Variants in ULK4 observed in about 807,000 individuals in gnomAD.
The protein encoded by ULK4 is inactive serine/threonine-protein kinase ULK4.
ULK4 carries 133 observed loss-of-function variants against 160.6 expected under a neutral mutation model. The observed-to-expected ratio is 0.83, with a 90% CI of 0.72 to 0.96. ULK4 has a LOEUF of 0.96. Among genes scored for constraint, ULK4 ranks in the 40% least tolerant of loss-of-function variants. ULK4 has a pLI of 0.00. For synonymous variants in ULK4, 534 were observed against 539.8 expected, an observed-to-expected ratio of 0.99 and a Z score of 0.15; for missense variants, 1,580 against 1,499.5, an observed-to-expected ratio of 1.05 and a Z score of -0.89.
At chr3:41,305,009 CA>C (rs1438738423) in intron 35 of ULK4, among the ~76,000 whole-genome samples, 1 of 152,170 alleles carries the variant, frequency 6.6e-6, no homozygotes. Flanking sequence ...GAAGGGTGCA[CA>C]CACTGGGCCA....
chr3:41,755,309 C>A (rs1401089610), intron 21 of ULK4, among the ~76,000 whole-genome samples: 2 of 152,076 alleles, frequency 1.3e-5, no homozygotes, highest in African/African-American at 4.8e-5. Context: ...ACACTCCAGT[C>A]CTTTTCTATT....
chr3:41,420,231 T>A (rs1319799374), intron 34 of ULK4, among the ~76,000 whole-genome samples: 1 of 152,026 alleles, frequency 6.6e-6, no homozygotes, highest in Non-Finnish European at 1.5e-5. Flanking sequence ...TTGGTGAGAT[T>A]ATAATTACTT....
intron 21 of ULK4, among the ~76,000 whole-genome samples, chr3:41,772,185 A>C (rs2039410371): frequency 6.6e-6 from 1 of 152,232 alleles, no homozygotes; most frequent in Admixed American, 6.5e-5. Flanking sequence ...AAACACATTC[A>C]AAAGCTAGCA....
chr3:41,792,771 G>A (rs937070942), intron 20 of ULK4, among the ~76,000 whole-genome samples: 1 of 152,220 alleles, frequency 6.6e-6, no homozygotes, highest in Non-Finnish European at 1.5e-5. Context: ...CAACTGAGAA[G>A]ATGCACAGAG....
intron 27 of ULK4, among the ~76,000 whole-genome samples, chr3:41,695,943 A>T (rs1575579829): frequency 6.6e-6 from 1 of 152,296 alleles, no homozygotes; most frequent in African/African-American, 2.4e-5. Context: ...AGAAGACAAG[A>T]GTGTGAGCCT....
At chr3:41,732,021 A>G (rs2037844414) in intron 22 of ULK4, among the ~76,000 whole-genome samples, 1 of 152,192 alleles carries the variant, frequency 6.6e-6, no homozygotes, top group African/African-American at 2.4e-5. Flanking sequence ...ATCTGAAACT[A>G]GGAAACTGCT....
chr3:41,403,736 G>C (rs2082233454), intron 34 of ULK4, among the ~76,000 whole-genome samples: 1 of 152,050 alleles, frequency 6.6e-6, no homozygotes, highest in Admixed American at 6.6e-5. Context: ...TTTTGGTGTT[G>C]CAAATTTTTC....
At chr3:41,920,519 T>G (rs1699146952) in intron 5 of ULK4, among the ~76,000 whole-genome samples, 5 of 152,098 alleles carry the variant, frequency 3.3e-5, no homozygotes, top group African/African-American at 1.2e-4. Context: ...ACAAGAGAAA[T>G]GGAAGCTTTA....
intron 14 of ULK4, among the ~76,000 whole-genome samples, 179 bp downstream of exon 14, chr3:41,898,253 A>T (rs1698236704): frequency 6.6e-6 from 1 of 152,238 alleles, no homozygotes; most frequent in Non-Finnish European, 1.5e-5. Context: ...AAATGTCAAC[A>T]GCTGGCACAA....
chr3:41,618,301 C>T (rs1382826492), intron 30 of ULK4, among the ~76,000 whole-genome samples: 1 of 152,074 alleles, frequency 6.6e-6, no homozygotes, highest in African/African-American at 2.4e-5. Context: ...TCAAGAAGAA[C>T]AACTCCAAGA....
chr3:41,817,392 T>C (rs976001997), intron 19 of ULK4, among the ~76,000 whole-genome samples: 1 of 152,112 alleles, frequency 6.6e-6, no homozygotes, highest in Admixed American at 6.5e-5. Context: ...CCGGAATATG[T>C]GGACAAAGAA....
intron 8 of ULK4, among the ~76,000 whole-genome samples, chr3:41,914,016 A>G (rs1268644890): frequency 6.6e-6 from 1 of 152,140 alleles, no homozygotes; most frequent in Non-Finnish European, 1.5e-5. Flanking sequence ...AACCATATAC[A>G]TTCACACCTT....
chr3:41,492,886 A>AAT (rs1180749858), intron 32 of ULK4, among the ~76,000 whole-genome samples: 1 of 143,054 alleles, frequency 7.0e-6, no homozygotes, highest in Non-Finnish European at 1.5e-5. Context: ...AACTATCCTA[A>AAT]ATATATATGC....
chr3:41,300,262 A>G (rs1416920621), intron 35 of ULK4, among the ~76,000 whole-genome samples: 1 of 152,216 alleles, frequency 6.6e-6, no homozygotes, highest in East Asian at 1.9e-4. Flanking sequence ...TGAAACTGCA[A>G]AGAACTAACT....
intron 34 of ULK4, among the ~76,000 whole-genome samples, chr3:41,439,876 A>G (rs1334913162): frequency 6.6e-6 from 1 of 152,170 alleles, no homozygotes; most frequent in African/African-American, 2.4e-5. Flanking sequence ...ATCTCTCCAC[A>G]TATGTAGAAG....
intron 20 of ULK4, among the ~76,000 whole-genome samples, chr3:41,796,372 C>G (rs1355861862): frequency 1.3e-5 from 2 of 152,058 alleles, no homozygotes; most frequent in Non-Finnish European, 2.9e-5. Context: ...AGACAGATCA[C>G]AAGGTCAGGA....
intron 21 of ULK4, among the ~76,000 whole-genome samples, chr3:41,769,813 A>C (rs1487027857): frequency 6.6e-6 from 1 of 152,206 alleles, no homozygotes; most frequent in African/African-American, 2.4e-5. Flanking sequence ...GAGGTAGAGA[A>C]CTTCAAAATT....
chr3:41,578,680 C>T (rs2029912571), intron 31 of ULK4, among the ~76,000 whole-genome samples: 1 of 152,120 alleles, frequency 6.6e-6, no homozygotes, highest in Non-Finnish European at 1.5e-5. Flanking sequence ...TAAAGAATCA[C>T]AGGAAGTGTC....
chr3:41,678,231 T>C (rs2035800951), intron 29 of ULK4, among the ~76,000 whole-genome samples: 1 of 143,184 alleles, frequency 7.0e-6, no homozygotes, highest in African/African-American at 2.6e-5. Flanking sequence ...CACACAGAGC[T>C]CCTACTGGCT....
Sources: allele counts gnomAD v4.1 joint callset (sites outside exome capture counted in the v4.1 genomes callset), GRCh38; gene constraint gnomAD v4.1.1; transcripts MANE v1.5; gene names NCBI Gene and HGNC (gene_info 2026-07-23, HGNC 2026-07-21).